UNC79: variants seen among roughly 807,000 people sequenced by gnomAD.
UNC79 encodes protein unc-79 homolog.
Under a neutral mutation model 283.1 loss-of-function variants are expected in UNC79, and 37 were observed. The ratio of observed to expected loss-of-function variants is 0.13; its 90% CI spans 0.10 to 0.17. UNC79 has a LOEUF of 0.17. Ranked by LOEUF, UNC79 falls within the 10% of genes least tolerant of loss-of-function variation. The pLI is 1.00. For synonymous variants in UNC79, 1,107 were observed against 1,200.2 expected (o/e 0.92, Z 1.61); for missense variants, 2,272 against 3,211.1 (o/e 0.71, Z 7.07).
chr14:93,697,264 T>G (rs1371585811), intron 47 of UNC79, among the ~76,000 whole-genome samples: 3 of 152,158 alleles, frequency 2.0e-5, no homozygotes, highest in Non-Finnish European at 2.9e-5. Flanking sequence ...GCCTCCTGAA[T>G]AGCTGGGATT....
intron 1 of UNC79, among the ~76,000 whole-genome samples, chr14:93,409,896 G>A (rs2055300903): frequency 6.6e-6 from 1 of 152,144 alleles, no homozygotes; most frequent in African/African-American, 2.4e-5. Flanking sequence ...TAGAAGGGGT[G>A]GAGTAAGATG....
intron 31 of UNC79, among the ~76,000 whole-genome samples, chr14:93,633,133 CT>C (rs1183943631): frequency 6.6e-6 from 1 of 152,076 alleles, no homozygotes; most frequent in African/African-American, 2.4e-5. Flanking sequence ...AAGAATTCTG[CT>C]TTTGAATTTT....
intron 1 of UNC79, among the ~76,000 whole-genome samples, chr14:93,360,388 C>T (rs1012895878): frequency 9.2e-5 from 14 of 152,204 alleles, no homozygotes; most frequent in Admixed American, 7.9e-4. Flanking sequence ...ACTCATTTGG[C>T]CTGTGCAGAA....
intron 40 of UNC79, among the ~76,000 whole-genome samples, chr14:93,669,716 G>C (rs146690192): frequency 6.6e-6 from 1 of 152,250 alleles, no homozygotes; most frequent in African/African-American, 2.4e-5. Flanking sequence ...GGGCATGGTA[G>C]CGCATGCCTG....
In UNC79 at chr14:93,639,465, C is replaced by A. The variant is rs570665108; in HGVS notation, c.5801-1680C>A. Reference sequence around the variant, plus strand: ...GCCTTTTCTGTTATTAATCAGTGTACATTTATGCTTGTAATTCTGTTGCTT... The same window carrying A: ...GCCTTTTCTGTTATTAATCAGTGTAAATTTATGCTTGTAATTCTGTTGCTT... On this transcript the variant is annotated intron_variant, in intron 32 of 48. Coordinates refer to ENST00000555664, the Ensembl canonical transcript of UNC79. 8.5e-5 allele frequency among the ~76,000 whole-genome samples: 13 copies of A among 152,262 alleles called. No homozygotes were observed. The South Asian group carries it at 2.7e-3, about 32-fold the overall frequency.
intron 29 of UNC79, among the ~76,000 whole-genome samples, chr14:93,620,288 G>A (rs565703443): frequency 6.6e-6 from 1 of 152,266 alleles, no homozygotes; most frequent in Admixed American, 6.5e-5. Context: ...ATCATTCGTG[G>A]AGCTTTTGAG....
chr14:93,355,514 G>A (rs1403779558), intron 1 of UNC79, among the ~76,000 whole-genome samples: 1 of 152,050 alleles, frequency 6.6e-6, no homozygotes, highest in Non-Finnish European at 1.5e-5. Flanking sequence ...TGTATTTTTA[G>A]TAGAGATGAG....
At chr14:93,487,239 A>G (rs189963700) in intron 4 of UNC79, among the ~76,000 whole-genome samples, 25 of 152,358 alleles carry the variant, frequency 1.6e-4, no homozygotes, top group African/African-American at 6.0e-4. Flanking sequence ...CTGCATCTCT[A>G]AAAATTAATA....
intron 30 of UNC79, among the ~76,000 whole-genome samples, chr14:93,624,865 C>T (rs2067433065): frequency 5.3e-5 from 8 of 152,048 alleles, no homozygotes; most frequent in Admixed American, 5.2e-4. Flanking sequence ...TACACTTGCC[C>T]CTCCAAACCC....
intron 5 of UNC79, among the ~76,000 whole-genome samples, chr14:93,490,133 A>G (rs147109167): frequency 0.011 from 1,718 of 151,912 alleles, 27 homozygotes; most frequent in Non-Finnish European, 0.018. Flanking sequence ...CTCTGAAACC[A>G]TTTCTCCCCC....
chr14:93,429,289 A>G (rs149336923), upstream of UNC79, among the ~76,000 whole-genome samples: 145 of 152,348 alleles, frequency 9.5e-4, no homozygotes, highest in African/African-American at 3.3e-3. Flanking sequence ...AATAAATGGA[A>G]CTTCTCTTTG....
chr14:93,397,537 T>C (rs1455618031), intron 1 of UNC79, among the ~76,000 whole-genome samples: 1 of 152,110 alleles, frequency 6.6e-6, no homozygotes, highest in Non-Finnish European at 1.5e-5. Context: ...GAGTGGGGGA[T>C]GGGGCTAGGG....
chr14:93,640,155 G>T (rs2068890310), intron 32 of UNC79, among the ~76,000 whole-genome samples: 1 of 152,112 alleles, frequency 6.6e-6, no homozygotes, highest in Admixed American at 6.5e-5. Context: ...ACAGCTTCCT[G>T]ACTTTCCAGA....
intron 4 of UNC79, among the ~76,000 whole-genome samples, chr14:93,486,235 G>A (rs1232467682): frequency 6.6e-6 from 1 of 152,164 alleles, no homozygotes; most frequent in Non-Finnish European, 1.5e-5. Context: ...ACAAGCCCAA[G>A]TGTAAGGCGA....
chr14:93,697,077 A>G (rs1281218965), intron 47 of UNC79, among the ~76,000 whole-genome samples: 2 of 152,128 alleles, frequency 1.3e-5, no homozygotes, highest in Non-Finnish European at 2.9e-5. Context: ...TCAAATAACT[A>G]TACAATTCTA....
intron 1 of UNC79, among the ~76,000 whole-genome samples, chr14:93,371,372 G>T (rs1426854101): frequency 6.6e-6 from 1 of 151,878 alleles, no homozygotes; most frequent in African/African-American, 2.4e-5. Context: ...GGGTGGCAGA[G>T]CGAGACTCCA....
Position 93,653,932 on chromosome 14 carries a change from C to G in UNC79, c.6197-8C>G. On this transcript the variant is annotated splice_region_variant and splice_polypyrimidine_tract_variant and intron_variant, in intron 36 of 48. Coordinates refer to ENST00000555664, the Ensembl canonical transcript of UNC79. ...CCCAAACACTAAATCCGATCGTTGACTTTCCAGATGGGACTTTTTTACGGA... is the reference window on the plus strand; with the variant it reads ...CCCAAACACTAAATCCGATCGTTGAGTTTCCAGATGGGACTTTTTTACGGA... The G allele has an allele frequency of 6.2e-7, 1 of 1,614,176 alleles. No individual in the cohort carries two copies. The highest frequency in any genetic ancestry group is 8.5e-7 in the Non-Finnish European group (1 of 1,180,004).
Position 93,464,685 on chromosome 14 carries a change from A to T in UNC79, c.23-2986A>T, listed in dbSNP as rs2057092502. The T allele has an allele frequency of 6.8e-6, 3 of 439,836 alleles. No individual in the cohort carries two copies. The Admixed American group carries it at 7.7e-5, about 11-fold the overall frequency. 27.2% of individuals were successfully genotyped at this position (439,836 alleles called of 1,614,324 possible). On this transcript the variant is annotated intron_variant, in intron 1 of 48. Coordinates refer to ENST00000555664, the Ensembl canonical transcript of UNC79. ...AAGAGTGTAGAAGAAGGAGCTTACT[A>T]GAGAAATGTAGCCTTAGGGTCAGTT...
exon 13 of UNC79, chr14:93,540,806 T>A: frequency 6.2e-7 from 1 of 1,613,196 alleles, no homozygotes; most frequent in Non-Finnish European, 8.5e-7. Context: ...CAGAGGCTGC[T>A]CAGTCAATTC....
Sources: allele counts gnomAD v4.1 joint callset (sites outside exome capture counted in the v4.1 genomes callset), GRCh38; gene constraint gnomAD v4.1.1; transcripts MANE v1.5; gene names NCBI Gene and HGNC (gene_info 2026-07-23, HGNC 2026-07-21).